Variants in KLHL1 observed in about 807,000 individuals in gnomAD.
KLHL1 encodes kelch-like protein 1.
In KLHL1, 47 loss-of-function variants were observed where a neutral mutation model predicts 77.7. The ratio of observed to expected loss-of-function variants is 0.60; its 90% CI spans 0.48 to 0.77. KLHL1 has a LOEUF of 0.77. KLHL1 is among the 30% of genes least tolerant of loss of function. The pLI is 0.00. For missense variants in KLHL1, 925 were observed against 910.8 expected, an observed-to-expected ratio of 1.02 and a Z score of -0.20; for synonymous variants, 360 against 325.2, an observed-to-expected ratio of 1.11 and a Z score of -1.15.
chr13:70,075,119 A>G (rs1887231467), intron 1 of KLHL1, among the ~76,000 whole-genome samples: 1 of 152,016 alleles, frequency 6.6e-6, no homozygotes, highest in South Asian at 2.1e-4. Flanking sequence ...TACACAAATT[A>G]TGAGACTTGA....
intron 1 of KLHL1, among the ~76,000 whole-genome samples, chr13:70,065,782 C>T (rs1446318467): frequency 6.6e-6 from 1 of 151,906 alleles, no homozygotes; most frequent in East Asian, 1.9e-4. Flanking sequence ...TCAATGACAC[C>T]TGAACATCAG....
At chr13:70,021,940 G>C (rs1583917) in intron 1 of KLHL1, among the ~76,000 whole-genome samples, 1 of 151,894 alleles carries the variant, frequency 6.6e-6, no homozygotes, top group Non-Finnish European at 1.5e-5. Flanking sequence ...CCAGTCTGTG[G>C]CTTGTCTTTT....
chr13:69,964,519 A>G (rs1884157745), intron 2 of KLHL1, among the ~76,000 whole-genome samples: 1 of 152,136 alleles, frequency 6.6e-6, no homozygotes, highest in Non-Finnish European at 1.5e-5. Context: ...GGAGCAGTGC[A>G]TGGATCCTTT....
chr13:69,724,533 C>T (rs188184871), intron 8 of KLHL1, among the ~76,000 whole-genome samples: 1 of 152,220 alleles, frequency 6.6e-6, no homozygotes, highest in African/African-American at 2.4e-5. Context: ...CAGACAAAGA[C>T]ACCACCAAAA....
intron 4 of KLHL1, among the ~76,000 whole-genome samples, chr13:69,905,318 T>C (rs1465876277): frequency 6.6e-6 from 1 of 152,124 alleles, no homozygotes; most frequent in Non-Finnish European, 1.5e-5. Context: ...CCTTTAATTT[T>C]GAACTAATTT....
At chr13:69,818,467 C>T (rs1878211211) in intron 6 of KLHL1, among the ~76,000 whole-genome samples, 1 of 152,148 alleles carries the variant, frequency 6.6e-6, no homozygotes, top group South Asian at 2.1e-4. Context: ...GATCCACCCA[C>T]CTCGGCCTCC....
chr13:69,801,845 C>T (rs1166230463), intron 6 of KLHL1, among the ~76,000 whole-genome samples: 2 of 151,926 alleles, frequency 1.3e-5, no homozygotes, highest in African/African-American at 4.8e-5. Flanking sequence ...TCCTACAATG[C>T]CCATTGATTA....
intron 1 of KLHL1, among the ~76,000 whole-genome samples, chr13:70,052,253 C>A (rs980967283): frequency 6.6e-6 from 1 of 151,712 alleles, no homozygotes; most frequent in Admixed American, 6.6e-5. Flanking sequence ...ATATTTATTA[C>A]TCTTTTAAGG....
rs1049389109 is a variant in KLHL1, at chr13:69,825,654, C to T, written c.1414+13322G>A. ...TGGAGATAGGGAGATCACTGTCTAA[C>T]GTATTTCTGTGTTGTAAGAACAAGT... is the stretch of plus-strand genomic sequence containing the variant. On this transcript the variant is annotated intron_variant, in intron 6 of 10. Transcript: ENST00000377844. Among the ~76,000 whole-genome samples the T allele has an allele frequency of 3.9e-5, 6 of 152,060 alleles. No homozygotes were observed. In the South Asian group the frequency reaches 6.2e-4, roughly 16 times the overall value.
At chr13:69,868,728 TG>T (rs1371448526) in intron 5 of KLHL1, among the ~76,000 whole-genome samples, 2 of 152,132 alleles carry the variant, frequency 1.3e-5, no homozygotes, top group Admixed American at 1.3e-4. Flanking sequence ...ATTTTTTTTT[TG>T]TTTGAAAGCT....
At chr13:69,891,168 T>C (rs1427281499) in intron 4 of KLHL1, among the ~76,000 whole-genome samples, 1 of 152,072 alleles carries the variant, frequency 6.6e-6, no homozygotes, top group Non-Finnish European at 1.5e-5. Flanking sequence ...CTGCCGAGTT[T>C]TCCTTACCTA....
intron 1 of KLHL1, among the ~76,000 whole-genome samples, chr13:70,081,354 A>G (rs562527829): frequency 6.1e-4 from 93 of 152,264 alleles, no homozygotes; most frequent in African/African-American, 2.2e-3. Context: ...TGAGTCCTCT[A>G]CTTAGGGAAT....
chr13:70,095,901 G>T (rs1887778592), intron 1 of KLHL1, among the ~76,000 whole-genome samples: 1 of 151,456 alleles, frequency 6.6e-6, no homozygotes, highest in African/African-American at 2.4e-5. Context: ...ATCTCCATGA[G>T]TTCATTTTTT....
At chr13:70,018,035 T>A (rs1316156988) in intron 1 of KLHL1, among the ~76,000 whole-genome samples, 1 of 137,924 alleles carries the variant, frequency 7.3e-6, no homozygotes, top group Admixed American at 7.5e-5. Flanking sequence ...TCCTCCAAGA[T>A]TAAATAGAAC....
At chr13:69,941,278 A>G (rs537450130) in intron 3 of KLHL1, among the ~76,000 whole-genome samples, 18 of 152,182 alleles carry the variant, frequency 1.2e-4, no homozygotes, top group African/African-American at 4.1e-4. Flanking sequence ...AATAAAACTC[A>G]AAATTAATTC....
chr13:69,912,851 C>A (rs993833837), intron 4 of KLHL1, among the ~76,000 whole-genome samples: 2 of 152,102 alleles, frequency 1.3e-5, no homozygotes, highest in African/African-American at 4.8e-5. Context: ...TGGGAGACTA[C>A]CTGCTTGCCT....
At chr13:69,817,908 A>G (rs1412668707) in intron 6 of KLHL1, among the ~76,000 whole-genome samples, 1 of 152,164 alleles carries the variant, frequency 6.6e-6, no homozygotes, top group Non-Finnish European at 1.5e-5. Context: ...CAGAATGTAC[A>G]ATGATGAGGT....
At chr13:69,837,450 A>G (rs1223167197) in intron 6 of KLHL1, among the ~76,000 whole-genome samples, 2 of 151,446 alleles carry the variant, frequency 1.3e-5, no homozygotes, top group African/African-American at 2.4e-5. Flanking sequence ...CAACAAAAGT[A>G]ACAACTTCAA....
chr13:70,031,600 A>T (rs1886102658), intron 1 of KLHL1, among the ~76,000 whole-genome samples: 1 of 152,204 alleles, frequency 6.6e-6, no homozygotes, highest in South Asian at 2.1e-4. Context: ...GACAGGTTAT[A>T]GTTCCTCGTG....
Sources: gnomAD v4.1 joint callset for allele counts (sites outside exome capture counted in the v4.1 genomes callset) on GRCh38, gnomAD v4.1.1 for gene constraint, MANE v1.5 for transcripts, NCBI Gene and HGNC (gene_info 2026-07-23, HGNC 2026-07-21) for gene names.